C16orf74: variants seen among roughly 807,000 people sequenced by gnomAD.
C16orf74 encodes uncharacterized protein C16orf74.
C16orf74 carries 10 observed loss-of-function variants against 6.5 expected under a neutral mutation model. That is an observed-to-expected ratio of 1.54 (90% CI 0.95 to 2.61). C16orf74 has a LOEUF of 2.61. Ranked by LOEUF, C16orf74 falls within the 30% of genes most tolerant of loss-of-function variation. C16orf74 has a pLI of 0.00. For missense variants in C16orf74, 141 were observed against 105.9 expected (o/e 1.33, Z -1.45); for synonymous variants, 60 against 42.5 (o/e 1.41, Z -1.60).
chr16:85,711,994 T>C (rs1356471857), intron 2 of C16orf74, among the ~76,000 whole-genome samples: 1 of 152,188 alleles, frequency 6.6e-6, no homozygotes, highest in Non-Finnish European at 1.5e-5. Flanking sequence ...GCCATGATGG[T>C]GTGTGACTTC....
intron 2 of C16orf74, 63 bp from the exon 3 acceptor site, chr16:85,710,370 C>T (rs2053957698): frequency 1.4e-6 from 2 of 1,411,836 alleles, no homozygotes; most frequent in African/African-American, 1.5e-5. Context: ...GCATCAGTGG[C>T]CGCCGGGAAC....
intron 2 of C16orf74, among the ~76,000 whole-genome samples, chr16:85,711,778 C>T (rs1408792409): frequency 6.6e-6 from 1 of 152,184 alleles, no homozygotes; most frequent in African/African-American, 2.4e-5. Flanking sequence ...ATCAGAGCCC[C>T]TGACCAACAG....
intron 2 of C16orf74, among the ~76,000 whole-genome samples, chr16:85,733,976 G>A (rs16939641): frequency 0.017 from 2,558 of 152,330 alleles, 68 homozygotes; most frequent in African/African-American, 0.059. Flanking sequence ...CTCTCCTGGA[G>A]CGGATTCCTC....
rs920087970 is a variant in C16orf74 at position 85,714,075 on chromosome 16, G to T, written c.29-3768C>A. The stretch of plus-strand genomic sequence containing the variant: ...GTGGTGGAAGGGTGGGTGGTCATGT[G>T]TGCCCCCGCCCCACTTCTGTTAGTC... On this transcript the variant is annotated intron_variant, in intron 2 of 3. Transcript: ENST00000284245. Among the ~76,000 whole-genome samples, 17 of 152,182 alleles carry T rather than the reference G, an allele frequency of 1.1e-4. No individual in the cohort carries two copies. In the East Asian group the frequency reaches 3.3e-3, roughly 29 times the overall value.
At position 85,743,225 on chromosome 16, in the gene C16orf74, A is replaced by G. The variant is rs748482127; in HGVS notation, c.-19+7701T>C. The stretch of plus-strand genomic sequence containing the variant: ...GGAGGAGTTACAGCTTTGATTCTAC[A>G]TCTGTCTGAATAGAAGCCATACAGT... On this transcript the variant is annotated intron_variant, in intron 1 of 3. Coordinates refer to ENST00000284245, the MANE Select transcript of C16orf74 (RefSeq NM_206967.3). 3.9e-5 allele frequency: 6 copies of G among 152,316 alleles called. No individual in the cohort carries two copies. The East Asian group carries it at 5.8e-4, about 15-fold the overall frequency. The allele number at this position is 152,316 out of a possible 1,614,324, so 9.4% of individuals were successfully genotyped here. A position where few individuals can be genotyped will look rare whatever the true frequency, so the allele number is the denominator to read the frequency against.
At chr16:85,710,450 C>A (rs1238811528) in intron 2 of C16orf74, 143 bp from the exon 3 acceptor site, 3 of 672,244 alleles carry the variant, frequency 4.5e-6, no homozygotes, top group African/African-American at 1.9e-5. Context: ...CAGCTGTCCC[C>A]GCATCACAGA....
intron 2 of C16orf74, among the ~76,000 whole-genome samples, chr16:85,720,964 A>C (rs2054076669): frequency 6.6e-6 from 1 of 151,952 alleles, no homozygotes; most frequent in African/African-American, 2.4e-5. Context: ...GGTGGTGGGC[A>C]CCTGTAATCC....
intron 1 of C16orf74, among the ~76,000 whole-genome samples, chr16:85,745,350 G>T (rs1162134218): frequency 1.3e-5 from 2 of 152,194 alleles, no homozygotes; most frequent in South Asian, 4.2e-4. Flanking sequence ...CCAGGGACAG[G>T]TCCCACTTCC....
At chr16:85,714,397 ATTTATTATTTATTTATTTAT>A (rs1485508535) in intron 2 of C16orf74, among the ~76,000 whole-genome samples, 1 of 53,926 alleles carries the variant, frequency 1.9e-5, no homozygotes, top group East Asian at 1.1e-3. Flanking sequence ...TTATTTATTT[ATTTATTATTTATTTATTTAT>A]TTATTTATTT....
chr16:85,742,691 G>A (rs1257545719), intron 1 of C16orf74, among the ~76,000 whole-genome samples: 4 of 152,012 alleles, frequency 2.6e-5, no homozygotes, highest in Non-Finnish European at 4.4e-5. Context: ...ACAGGCATGC[G>A]CCACCACACC....
intron 2 of C16orf74, among the ~76,000 whole-genome samples, chr16:85,711,042 G>A (rs551067774): frequency 1.1e-4 from 16 of 152,298 alleles, no homozygotes; most frequent in African/African-American, 3.1e-4. Flanking sequence ...AGCCGGGCGC[G>A]GTGGCTCATG....
At chr16:85,736,413 G>A (rs1024487755) in intron 1 of C16orf74, among the ~76,000 whole-genome samples, 5 of 152,142 alleles carry the variant, frequency 3.3e-5, no homozygotes, top group African/African-American at 1.2e-4. Flanking sequence ...TGTGCCTGCT[G>A]AGGTCAGAGA....
Position 85,707,944 on chromosome 16 carries a change from C to G in C16orf74, c.*64G>C. The G allele has an allele frequency of 7.0e-7, 1 of 1,419,486 alleles. No homozygotes were observed. Among genetic ancestry groups the G allele is most frequent in the Non-Finnish European group, 9.7e-7 (1 of 1,031,528 alleles). The allele number at this position is 1,419,486 out of a possible 1,614,324, so 87.9% of individuals were successfully genotyped here. On this transcript the variant is annotated 3_prime_UTR_variant, in exon 4 of 4. Transcript: ENST00000284245. Reference sequence around the variant, plus strand: ...AGCACACCTGCTCCAGGCAGCCACGCCCCCGGACACCTGAAGCCGGGCCGC... The same window carrying G: ...AGCACACCTGCTCCAGGCAGCCACGGCCCCGGACACCTGAAGCCGGGCCGC...
At chr16:85,736,650 G>T (rs1383876850) in intron 1 of C16orf74, among the ~76,000 whole-genome samples, 1 of 152,182 alleles carries the variant, frequency 6.6e-6, no homozygotes, top group Non-Finnish European at 1.5e-5. Context: ...CTTACGAGTG[G>T]TCTCTGGAGC....
In C16orf74 at chr16:85,713,433, C is replaced by T. The variant is rs920839895; in HGVS notation, c.29-3126G>A. ...GATTACAGGCATGCGCCACCATGCCCAGCTAATTTTTGTATTTTTAGTAGA... is the reference window on the plus strand; with the variant it reads ...GATTACAGGCATGCGCCACCATGCCTAGCTAATTTTTGTATTTTTAGTAGA... On this transcript the variant is annotated intron_variant, in intron 2 of 3. Transcript: ENST00000284245. Among the ~76,000 whole-genome samples, 7 of 152,154 alleles carry T rather than the reference C, an allele frequency of 4.6e-5. 1 individual carries two copies. The highest frequency in any genetic ancestry group is 1.7e-4 in the African/African-American group (7 of 41,436).
chr16:85,727,691 G>A (rs1034398069), intron 2 of C16orf74, among the ~76,000 whole-genome samples: 3 of 152,068 alleles, frequency 2.0e-5, no homozygotes, highest in South Asian at 2.1e-4. Flanking sequence ...CCTCTTGCCT[G>A]TAGTCCTAGC....
At chr16:85,731,232 C>A (rs187100411) in intron 2 of C16orf74, among the ~76,000 whole-genome samples, 1 of 152,238 alleles carries the variant, frequency 6.6e-6, no homozygotes, top group African/African-American at 2.4e-5. Flanking sequence ...AAGGCAGGAA[C>A]CACTGTGTAA....
At chr16:85,709,796 G>A (rs565871263) in intron 3 of C16orf74, among the ~76,000 whole-genome samples, 4 of 152,296 alleles carry the variant, frequency 2.6e-5, no homozygotes, top group South Asian at 2.1e-4. Flanking sequence ...TGTCCTGTCC[G>A]GCCAAACTGC....
At chr16:85,720,342 G>T (rs2054070075) in intron 2 of C16orf74, among the ~76,000 whole-genome samples, 1 of 152,142 alleles carries the variant, frequency 6.6e-6, no homozygotes, top group Non-Finnish European at 1.5e-5. Flanking sequence ...CCTGCCCTGG[G>T]CACTGACTGC....
Sources: gnomAD v4.1 joint callset for allele counts (sites outside exome capture counted in the v4.1 genomes callset) on GRCh38, gnomAD v4.1.1 for gene constraint, MANE v1.5 for transcripts, NCBI Gene and HGNC (gene_info 2026-07-23, HGNC 2026-07-21) for gene names.